CPEB1: variants seen among roughly 807,000 people sequenced by gnomAD.
CPEB1 encodes cytoplasmic polyadenylation element-binding protein 1.
A neutral mutation model predicts 65.8 loss-of-function variants in CPEB1; 7 were observed. That is an observed-to-expected ratio of 0.11 (90% CI 0.06 to 0.20). The LOEUF is 0.20. Among genes scored for constraint, CPEB1 ranks in the 10% least tolerant of loss-of-function variants. The probability of loss-of-function intolerance (pLI) is 1.00; values close to 1 mark genes in which losing one functional copy is unlikely to be tolerated. For missense variants in CPEB1, 551 were observed against 712.2 expected (o/e 0.77, Z 2.58); for synonymous variants, 262 against 260.0 (o/e 1.01, Z -0.08).
chr15:82,593,325 T>C (rs1360117542), intron 3 of CPEB1, among the ~76,000 whole-genome samples: 1 of 152,232 alleles, frequency 6.6e-6, no homozygotes, highest in African/African-American at 2.4e-5. Context: ...TCTAAATCCT[T>C]TGTTGTCTTC....
At chr15:82,568,238 CA>C (rs1297924897) in intron 4 of CPEB1, among the ~76,000 whole-genome samples, 1 of 152,092 alleles carries the variant, frequency 6.6e-6, no homozygotes, top group Admixed American at 6.5e-5. Flanking sequence ...ATGTACTTAG[CA>C]CAAAAATTAG....
At chr15:82,633,929 T>G (rs903388335) in intron 1 of CPEB1, among the ~76,000 whole-genome samples, 1 of 151,492 alleles carries the variant, frequency 6.6e-6, no homozygotes, top group African/African-American at 2.4e-5. Flanking sequence ...GTCTACCACT[T>G]AGGTATCACT....
chr15:82,591,656 T>C (rs538282519), intron 3 of CPEB1, among the ~76,000 whole-genome samples: 2 of 152,270 alleles, frequency 1.3e-5, no homozygotes, highest in South Asian at 2.1e-4. Context: ...TGTCTATTCA[T>C]GTCCTTTTCA....
At chr15:82,587,198 C>A (rs1411431257) in intron 3 of CPEB1, among the ~76,000 whole-genome samples, 1 of 152,090 alleles carries the variant, frequency 6.6e-6, no homozygotes, top group Admixed American at 6.5e-5. Flanking sequence ...ATTTTTTCTT[C>A]TCTATGTATA....
chr15:82,553,350 T>G, intron 8 of CPEB1, 117 bp downstream of exon 8: 2 of 716,396 alleles, frequency 2.8e-6, no homozygotes, highest in South Asian at 3.3e-5. Flanking sequence ...TGCCCTGGAG[T>G]GCCCACCATG....
At chr15:82,623,015 G>C (rs2045451270) in intron 3 of CPEB1, among the ~76,000 whole-genome samples, 1 of 152,106 alleles carries the variant, frequency 6.6e-6, no homozygotes, top group African/African-American at 2.4e-5. Context: ...GAGGTATCTG[G>C]TCCCACCTCT....
intron 1 of CPEB1, among the ~76,000 whole-genome samples, chr15:82,635,235 C>T (rs1260638869): frequency 6.6e-6 from 1 of 152,272 alleles, no homozygotes; most frequent in Non-Finnish European, 1.5e-5. Flanking sequence ...TATTCTATTA[C>T]GATTTTGAAG....
rs1399767623 is a variant in CPEB1, at chr15:82,627,340, A to C, written c.124T>G (p.Cys42Gly). The change falls in exon 3 of 13, where the codon TGC (cysteine) becomes GGC (glycine). Residue 42 changes from cysteine (C) to glycine (G), a missense_variant. By Grantham distance (159) the Cys-to-Gly change is radical. This residue lies in a region of CPEB1 where 223 missense variants were observed against 228.6 expected (regional missense o/e 0.98). Coordinates refer to ENST00000684509, the MANE Select transcript of CPEB1 (RefSeq NM_001365242.1). ...LEEEAGRIKD[C>G]WDNQEAPALS... ...GCAGGTGCTTCCTGGTTGTCCCAGC[A>C]ATCTTTTATCCTTCCTGCTTCTTCT... 2.5e-6 allele frequency: 4 copies of C among 1,613,198 alleles called. No individual in the cohort carries two copies. The highest frequency in any genetic ancestry group is 4.5e-5 in the East Asian group (2 of 44,866).
At chr15:82,647,758 G>C, upstream of CPEB1, 1 of 1,093,610 alleles carries the variant, frequency 9.1e-7, no homozygotes, top group South Asian at 3.4e-5. Context: ...CGGGGCGGGG[G>C]ATGGGGGTAC....
chr15:82,593,227 A>G, intron 3 of CPEB1, among the ~76,000 whole-genome samples: 1 of 152,164 alleles, frequency 6.6e-6, no homozygotes, highest in East Asian at 1.9e-4. Flanking sequence ...GTTTGATAAC[A>G]TTTTACCTAC....
At chr15:82,647,996 A>G (rs2047723734), upstream of CPEB1, 5 of 698,216 alleles carry the variant, frequency 7.2e-6, no homozygotes, top group Non-Finnish European at 9.9e-6. Flanking sequence ...CAGCTTATGA[A>G]GCTCCTACGA....
chr15:82,589,552 C>T (rs924608832), intron 3 of CPEB1, among the ~76,000 whole-genome samples: 4 of 151,930 alleles, frequency 2.6e-5, no homozygotes, highest in Admixed American at 6.6e-5. Context: ...AGGACCAGCC[C>T]GGCCAACATG....
At chr15:82,545,903 T>C (rs2035104766) in intron 12 of CPEB1, among the ~76,000 whole-genome samples, 1 of 152,118 alleles carries the variant, frequency 6.6e-6, no homozygotes, top group Non-Finnish European at 1.5e-5. Flanking sequence ...TCAGCAATAG[T>C]GGCATACTGC....
At chr15:82,574,135 C>A (rs1043944292) in intron 3 of CPEB1, among the ~76,000 whole-genome samples, 2 of 152,334 alleles carry the variant, frequency 1.3e-5, no homozygotes, top group South Asian at 4.1e-4. Flanking sequence ...CTCACCCCTA[C>A]AACCCCCACC....
At chr15:82,612,842 G>GAAAA (rs1051455334) in intron 3 of CPEB1, among the ~76,000 whole-genome samples, 1 of 50,508 alleles carries the variant, frequency 2.0e-5, no homozygotes, top group Non-Finnish European at 3.9e-5. Context: ...TCAAAAAAAA[G>GAAAA]AACAAACAAA....
chr15:82,553,701 C>T, intron 7 of CPEB1, 145 bp from the exon 8 acceptor site: 2 of 772,744 alleles, frequency 2.6e-6, no homozygotes, highest in Non-Finnish European at 4.5e-6. Flanking sequence ...CCGGTGTAAG[C>T]TCCCGACATA....
intron 3 of CPEB1, among the ~76,000 whole-genome samples, chr15:82,616,741 C>T (rs2151275271): frequency 6.6e-6 from 1 of 152,130 alleles, no homozygotes; most frequent in Non-Finnish European, 1.5e-5. Flanking sequence ...CAGGGTTTCA[C>T]CATGTTGGCC....
At chr15:82,572,526 G>T (rs1479364305) in intron 3 of CPEB1, among the ~76,000 whole-genome samples, 1 of 152,104 alleles carries the variant, frequency 6.6e-6, no homozygotes, top group Non-Finnish European at 1.5e-5. Flanking sequence ...CAACAAGATG[G>T]GTATTAGTCA....
chr15:82,543,966 T>C lies in CPEB1; in HGVS notation c.*626A>G, dbSNP rs1296675809. ...GTTCCAAACGACTTAAAAACTGTTT[T>C]AAGGAGTGTAAAAAGGAACCGGTAA... is the stretch of plus-strand genomic sequence containing the variant. On this transcript the variant is annotated 3_prime_UTR_variant, in exon 13 of 13. Transcript: ENST00000684509. 1.3e-5 allele frequency: 2 copies of C among 152,262 alleles called. No individual in the cohort carries two copies. Among genetic ancestry groups the C allele is most frequent in the Admixed American group, 1.3e-4 (2 of 15,268 alleles). The allele number at this position is 152,262 out of a possible 1,614,324, so 9.4% of individuals were successfully genotyped here. A position where few individuals can be genotyped will look rare whatever the true frequency, so the allele number is the denominator to read the frequency against.
Sources: gnomAD v4.1 joint callset for allele counts (sites outside exome capture counted in the v4.1 genomes callset) on GRCh38, gnomAD v4.1.1 for gene constraint, gnomAD v4.1.1 regional missense constraint, MANE v1.5 for transcripts, NCBI Gene and HGNC (gene_info 2026-07-23, HGNC 2026-07-21) for gene names.